SEMA6A: variants seen among roughly 807,000 people sequenced by gnomAD.
SEMA6A encodes the protein semaphorin 6A.
In SEMA6A, 25 loss-of-function variants were observed where a neutral mutation model predicts 96.8. That is an observed-to-expected ratio of 0.26 (90% CI 0.19 to 0.36). SEMA6A has a LOEUF of 0.36. Among genes scored for constraint, SEMA6A ranks in the 10% least tolerant of loss-of-function variants. The pLI, the probability that SEMA6A is intolerant of heterozygous loss-of-function variation, is 1.00. For synonymous variants in SEMA6A, 612 were observed against 518.0 expected, an observed-to-expected ratio of 1.18 and a Z score of -2.46; for missense variants, 1,363 against 1,323.1, an observed-to-expected ratio of 1.03 and a Z score of -0.47.
rs1757058409 is a variant in SEMA6A at position 116,486,569 on chromosome 5, TA to T, written c.962+179del. On this transcript the variant is annotated intron_variant, in intron 10 of 18. Transcript: ENST00000343348. ...TAATTACTTCCCCTAAAACCTAACT[TA>T]ATAGTGCTTATAAACTACTTTTAAT... 5.1e-6 allele frequency: 3 copies of T among 588,358 alleles called. No homozygotes were observed. The Admixed American group carries it at 9.5e-5, about 19-fold the overall frequency. 36.4% of individuals were successfully genotyped at this position (588,358 alleles called of 1,614,324 possible).
At chr5:116,490,669 C>A (rs1757288614) in intron 7 of SEMA6A, among the ~76,000 whole-genome samples, 2 of 152,174 alleles carry the variant, frequency 1.3e-5, no homozygotes, top group South Asian at 4.1e-4. Flanking sequence ...TCTATCACTG[C>A]AGATCCAGGC....
At chr5:116,497,973 G>A (rs1255541960) in intron 3 of SEMA6A, among the ~76,000 whole-genome samples, 1 of 152,156 alleles carries the variant, frequency 6.6e-6, no homozygotes, top group Non-Finnish European at 1.5e-5. Context: ...ATGTACTTAA[G>A]CTAAAGTTTA....
intron 6 of SEMA6A, among the ~76,000 whole-genome samples, chr5:116,495,092 G>A (rs1406270346): frequency 6.6e-6 from 1 of 152,146 alleles, no homozygotes; most frequent in Non-Finnish European, 1.5e-5. Flanking sequence ...TAGATAGTGG[G>A]GTGGGAGGGA....
chr5:116,482,415 A>G, intron 11 of SEMA6A, 29 bp downstream of exon 11: 1 of 1,604,984 alleles, frequency 6.2e-7, no homozygotes, highest in African/African-American at 1.3e-5. Context: ...TCTAAAGTTT[A>G]AAATAGCCAT....
chr5:116,542,995 A>G (rs1205366526), intron 1 of SEMA6A, among the ~76,000 whole-genome samples: 1 of 152,190 alleles, frequency 6.6e-6, no homozygotes, highest in Non-Finnish European at 1.5e-5. Flanking sequence ...GTAAGTACAT[A>G]TATTTGAATA....
intron 1 of SEMA6A, among the ~76,000 whole-genome samples, chr5:116,526,396 A>G (rs1759225665): frequency 6.6e-6 from 1 of 152,162 alleles, no homozygotes; most frequent in South Asian, 2.1e-4. Flanking sequence ...TATCATAGCA[A>G]TCAAATTGAC....
At chr5:116,511,494 A>C (rs529237295) in intron 1 of SEMA6A, among the ~76,000 whole-genome samples, 1 of 152,348 alleles carries the variant, frequency 6.6e-6, no homozygotes, top group South Asian at 2.1e-4. Context: ...GGCATTAAAG[A>C]AAAAGGAACA....
chr5:116,476,373 A>C (rs759976369), intron 15 of SEMA6A, among the ~76,000 whole-genome samples: 1 of 152,214 alleles, frequency 6.6e-6, no homozygotes, highest in African/African-American at 2.4e-5. Context: ...TTATTTTGCA[A>C]CTGCTTTCAG....
rs546135225 is a variant in SEMA6A, at chr5:116,448,786, C to T, written c.1895-975G>A. On this transcript the variant is annotated intron_variant, in intron 18 of 18. Coordinates refer to ENST00000343348, the MANE Select transcript of SEMA6A (RefSeq NM_020796.5). ...AAAAAAAAAAAAAAAACAGTGCAAACTCAATTTCAGGTAACTATCCTGAAT... is the reference window on the plus strand; with the variant it reads ...AAAAAAAAAAAAAAAACAGTGCAAATTCAATTTCAGGTAACTATCCTGAAT... Among the ~76,000 whole-genome samples the T allele has an allele frequency of 4.4e-5, 6 of 136,944 alleles. No homozygotes were observed. In the East Asian group the frequency reaches 1.1e-3, roughly 25 times the overall value. 89.8% of individuals were successfully genotyped at this position (136,944 alleles called of 152,430 possible). A position where few individuals can be genotyped will look rare whatever the true frequency, so the allele number is the denominator to read the frequency against.
At chr5:116,473,203 G>A (rs140042471) in intron 16 of SEMA6A, 110 bp from the exon 17 acceptor site, 21 of 1,024,284 alleles carry the variant, frequency 2.1e-5, no homozygotes, top group Middle Eastern at 2.1e-4. Context: ...TATGGTCCCC[G>A]ATACTAAGTA....
chr5:116,573,015 T>C (rs1761289931), intron 1 of SEMA6A, among the ~76,000 whole-genome samples: 2 of 152,170 alleles, frequency 1.3e-5, no homozygotes, highest in Admixed American at 6.5e-5. Context: ...GACCGCTCCC[T>C]GGCTCCCCCC....
At chr5:116,474,027 C>G (rs1756311588) in intron 16 of SEMA6A, among the ~76,000 whole-genome samples, 1 of 152,128 alleles carries the variant, frequency 6.6e-6, no homozygotes, top group African/African-American at 2.4e-5. Flanking sequence ...GAGAGCGTCC[C>G]CTATGCTACA....
intron 17 of SEMA6A, 95 bp from the exon 18 acceptor site, chr5:116,467,842 G>GT: frequency 7.8e-7 from 1 of 1,275,624 alleles, no homozygotes; most frequent in East Asian, 2.6e-5. Flanking sequence ...CAAGCTGGCT[G>GT]TAAGACTGAG....
Position 116,444,495 on chromosome 5 carries a change from A to G in SEMA6A, c.*2118T>C, listed in dbSNP as rs1285745601. On this transcript the variant is annotated 3_prime_UTR_variant, in exon 19 of 19. Transcript: ENST00000343348. ...AAAGCAGACAAAGAGACCACCAAAT[A>G]TACTGTTTAAAAAAACAACAACAAC... 2.6e-5 allele frequency: 4 copies of G among 152,242 alleles called. No individual in the cohort carries two copies. 9.4% of individuals were successfully genotyped at this position (152,242 alleles called of 1,614,324 possible).
chr5:116,520,553 G>A (rs1758886227), intron 1 of SEMA6A, among the ~76,000 whole-genome samples: 1 of 152,164 alleles, frequency 6.6e-6, no homozygotes, highest in Non-Finnish European at 1.5e-5. Flanking sequence ...GGCAGAGACT[G>A]GCATTTTTCA....
intron 6 of SEMA6A, among the ~76,000 whole-genome samples, chr5:116,493,807 A>C (rs1757446576): frequency 6.6e-6 from 1 of 151,966 alleles, no homozygotes; most frequent in Non-Finnish European, 1.5e-5. Flanking sequence ...CCAAATCTAT[A>C]TTTCTCTCCA....
chr5:116,567,862 T>A (rs1200511468), intron 1 of SEMA6A, among the ~76,000 whole-genome samples: 2 of 152,230 alleles, frequency 1.3e-5, no homozygotes, highest in Non-Finnish European at 2.9e-5. Flanking sequence ...TTGAACTATT[T>A]CAGAATTTAA....
chr5:116,534,065 C>T, intron 1 of SEMA6A, among the ~76,000 whole-genome samples: 1 of 152,320 alleles, frequency 6.6e-6, no homozygotes, highest in East Asian at 1.9e-4. Flanking sequence ...CAAACACCTT[C>T]CAAGGGTGGG....
chr5:116,541,264 C>A (rs1331411318), intron 1 of SEMA6A, among the ~76,000 whole-genome samples: 1 of 152,160 alleles, frequency 6.6e-6, no homozygotes, highest in Non-Finnish European at 1.5e-5. Context: ...CAAATTAACA[C>A]CACACATCTT....
Sources: gnomAD v4.1 joint callset for allele counts (sites outside exome capture counted in the v4.1 genomes callset) on GRCh38, gnomAD v4.1.1 for gene constraint, MANE v1.5 for transcripts, NCBI Gene and HGNC (gene_info 2026-07-23, HGNC 2026-07-21) for gene names.